Variants in TPO observed in about 807,000 individuals in gnomAD.
The protein encoded by TPO is thyroid peroxidase, also known as thyroid microsomal antigen.
A neutral mutation model predicts 96.9 loss-of-function variants in TPO; 78 were observed. That is an observed-to-expected ratio of 0.81 (90% CI 0.67 to 0.97). The LOEUF is 0.97. TPO is among the 50% of genes least tolerant of loss of function. The pLI is 0.00. For missense variants in TPO, 1,252 were observed against 1,274.8 expected (o/e 0.98, Z 0.27); for synonymous variants, 547 against 538.0 (o/e 1.02, Z -0.23).
chr2:1,477,500 C>T lies in TPO; in HGVS notation c.1234C>T (p.Arg412Cys), dbSNP rs2148673793. 6.5e-7 allele frequency: 1 copy of T among 1,531,658 alleles called. No homozygotes were observed. The highest frequency in any genetic ancestry group is 8.7e-7 in the Non-Finnish European group (1 of 1,144,496). 94.9% of individuals were successfully genotyped at this position (1,531,658 alleles called of 1,614,324 possible). A position where few individuals can be genotyped will look rare whatever the true frequency, so the allele number is the denominator to read the frequency against. Residue 412 changes from arginine to cysteine, a missense_variant, in exon 8 of 17, where the codon CGC (arginine) becomes TGC (cysteine). Coordinates refer to ENST00000329066, the MANE Select transcript of TPO (RefSeq NM_001206744.2). ...SLTALHTLWL[R>C]EHNRLAAALK... ...GACGGCACTGCACACGCTGTGGCTG[C>T]GCGAGCACAACCGCCTGGCCGCGGC...
intron 7 of TPO, among the ~76,000 whole-genome samples, chr2:1,459,686 C>T (rs1005326362): frequency 1.3e-5 from 2 of 152,094 alleles, no homozygotes; most frequent in African/African-American, 4.8e-5. Context: ...ATCAAGACAT[C>T]TAAACAAAAT....
At chr2:1,538,173 T>TC (rs928572969) in intron 15 of TPO, among the ~76,000 whole-genome samples, 19 of 149,626 alleles carry the variant, frequency 1.3e-4, no homozygotes, top group Non-Finnish European at 2.5e-4. Flanking sequence ...CCTCCTCAAA[T>TC]CCCCCCTGCA....
chr2:1,515,883 G>A (rs1335225480), intron 14 of TPO, among the ~76,000 whole-genome samples: 4 of 151,922 alleles, frequency 2.6e-5, no homozygotes, highest in Non-Finnish European at 5.9e-5. Flanking sequence ...TATCCAGGGC[G>A]ACCCATGTTT....
At chr2:1,395,146 T>G (rs1573058020) in intron 1 of TPO, among the ~76,000 whole-genome samples, 1 of 152,232 alleles carries the variant, frequency 6.6e-6, no homozygotes, top group East Asian at 1.9e-4. Flanking sequence ...TCTCTAAATC[T>G]CCAGGAAGCC....
intron 15 of TPO, among the ~76,000 whole-genome samples, chr2:1,533,848 T>C (rs1678906659): frequency 2.0e-5 from 1 of 50,666 alleles, no homozygotes; most frequent in African/African-American, 7.7e-5. Flanking sequence ...CAAATGCCCC[T>C]AGCTTTGTGA....
Position 1,441,144 on chromosome 2 carries a change from T to A in TPO, c.482+4760T>A, listed in dbSNP as rs552006388. Among the ~76,000 whole-genome samples, 4 of 151,844 alleles carry A rather than the reference T, an allele frequency of 2.6e-5. No individual in the cohort carries two copies. In the South Asian group the frequency reaches 8.4e-4, roughly 32 times the overall value. ...AGCAGGCTCCTTCCTGTTTGCATGGTGTAGTGAGTGCCGCAGGAGGCAGTA... is the reference window on the plus strand; with the variant it reads ...AGCAGGCTCCTTCCTGTTTGCATGGAGTAGTGAGTGCCGCAGGAGGCAGTA... On this transcript the variant is annotated intron_variant, in intron 5 of 16. Transcript: ENST00000329066.
upstream of TPO, among the ~76,000 whole-genome samples, chr2:1,411,929 G>C (rs1348771919): frequency 6.6e-6 from 1 of 152,190 alleles, no homozygotes; most frequent in Non-Finnish European, 1.5e-5. Context: ...GCAGTCACAG[G>C]CTGGGGGACT....
At chr2:1,542,215 T>C (rs1005219377) in intron 16 of TPO, 3 of 674,210 alleles carry the variant, frequency 4.4e-6, no homozygotes, top group African/African-American at 3.6e-5. Flanking sequence ...GCCACGTGGA[T>C]CCTCTGTGGC....
chr2:1,529,052 C>G, intron 15 of TPO, among the ~76,000 whole-genome samples: 1 of 147,072 alleles, frequency 6.8e-6, no homozygotes, highest in Non-Finnish European at 1.5e-5. Flanking sequence ...CCCAAATCTC[C>G]CCAGTGTGTG....
chr2:1,389,612 G>T (rs1661965144), intron 1 of TPO, among the ~76,000 whole-genome samples: 1 of 152,174 alleles, frequency 6.6e-6, no homozygotes, highest in Admixed American at 6.5e-5. Context: ...ATAATGATTT[G>T]CTCAGTAGGG....
At chr2:1,537,233 CAACT>C (rs1441240733) in intron 15 of TPO, among the ~76,000 whole-genome samples, 1 of 113,058 alleles carries the variant, frequency 8.8e-6, no homozygotes, top group South Asian at 2.9e-4. Flanking sequence ...CCAAATCCCC[CAACT>C]GTTTCGAACC....
chr2:1,477,574 G>A lies in TPO; in HGVS notation c.1308G>A (p.Glu436=), dbSNP rs1283852376. The A allele has an allele frequency of 2.6e-6, 4 of 1,537,458 alleles. No homozygotes were observed. Among genetic ancestry groups the A allele is most frequent in the East Asian group, 2.4e-5 (1 of 41,232 alleles). ...AHWSADAVYQ[E]ARKVVGALHQ... is the part of the protein sequence containing the mutation. ...GGAGCGCGGACGCCGTGTACCAGGA[G>A]GCGCGCAAGGTCGTGGGCGCTCTGC... is the stretch of plus-strand genomic sequence containing the variant. The change falls in exon 8 of 17, where the codon GAG becomes GAA. Residue 436 remains glutamate (E), a synonymous_variant. Transcript: ENST00000329066.
chr2:1,491,927 T>C (rs1011917639), intron 10 of TPO, among the ~76,000 whole-genome samples: 4 of 152,138 alleles, frequency 2.6e-5, no homozygotes, highest in Admixed American at 2.6e-4. Flanking sequence ...GAGCCCACTG[T>C]GGACAGCAGG....
intron 5 of TPO, chr2:1,438,705 G>T (rs79007266): frequency 3.0e-6 from 2 of 656,862 alleles, no homozygotes; most frequent in South Asian, 3.4e-5. Context: ...GGGAATCCCT[G>T]AGCAAAGCCA....
intron 15 of TPO, among the ~76,000 whole-genome samples, chr2:1,531,366 CT>C (rs1678188816): frequency 1.1e-5 from 1 of 88,322 alleles, no homozygotes; most frequent in Non-Finnish European, 2.2e-5. Context: ...TCCCCAAATC[CT>C]CCCGACTCTG....
At chr2:1,434,802 A>T (rs1665394974) in intron 4 of TPO, among the ~76,000 whole-genome samples, 1 of 152,198 alleles carries the variant, frequency 6.6e-6, no homozygotes, top group Non-Finnish European at 1.5e-5. Flanking sequence ...AATTTAGAAC[A>T]CGAGGAACCT....
In TPO at chr2:1,451,542, G is replaced by A. The variant is rs916250578; in HGVS notation, c.483-2152G>A. Among the ~76,000 whole-genome samples, 20 of 152,074 alleles carry A rather than the reference G, an allele frequency of 1.3e-4. 1 individual carries two copies. Among genetic ancestry groups the A allele is most frequent in the East Asian group, 3.9e-4 (2 of 5,190 alleles). ...TTTTCAAAGCCTGCATCCTAGTCACGCCTGACTCTTTTGTCATGTGCCTTG... is the reference window on the plus strand; with the variant it reads ...TTTTCAAAGCCTGCATCCTAGTCACACCTGACTCTTTTGTCATGTGCCTTG... On this transcript the variant is annotated intron_variant, in intron 5 of 16. Transcript: ENST00000329066.
intron 8 of TPO, among the ~76,000 whole-genome samples, chr2:1,483,932 G>A (rs1280214495): frequency 1.3e-5 from 2 of 152,104 alleles, no homozygotes; most frequent in African/African-American, 4.8e-5. Context: ...TTCCTAAACT[G>A]GTAAGCTAAA....
At chr2:1,505,346 G>A (rs990995521) in intron 14 of TPO, among the ~76,000 whole-genome samples, 1 of 147,096 alleles carries the variant, frequency 6.8e-6, no homozygotes, top group South Asian at 2.2e-4. Flanking sequence ...ACCAGCTTGT[G>A]TCAGGCACAC....
Sources: gnomAD v4.1 joint callset for allele counts (sites outside exome capture counted in the v4.1 genomes callset) on GRCh38, gnomAD v4.1.1 for gene constraint, MANE v1.5 for transcripts, NCBI Gene and HGNC (gene_info 2026-07-23, HGNC 2026-07-21) for gene names.